The following HSPA4 variants were observed in gnomAD, a reference collection of about 807,000 sequenced individuals.
The protein encoded by HSPA4 is heat shock 70 kDa protein 4.
A neutral mutation model predicts 106.2 loss-of-function variants in HSPA4; 25 were observed. The observed-to-expected ratio is 0.24, with a 90% confidence interval of 0.17 to 0.33. HSPA4 has a LOEUF of 0.33. Among genes scored for constraint, HSPA4 ranks in the 10% least tolerant of loss-of-function variants. The pLI, the probability that HSPA4 is intolerant of heterozygous loss-of-function variation, is 1.00. For synonymous variants in HSPA4, 332 were observed against 333.6 expected (o/e 1.00, Z 0.05); for missense variants, 841 against 996.0 (o/e 0.84, Z 2.10).
rs540002301 is a variant in HSPA4 at position 133,069,589 on chromosome 5, C to T, written c.307-785C>T. 3.9e-5 allele frequency among the ~76,000 whole-genome samples: 6 copies of T among 152,244 alleles called. No homozygotes were observed. In the East Asian group the frequency reaches 9.6e-4, roughly 24 times the overall value. On this transcript the variant is annotated intron_variant, in intron 3 of 18. Transcript: ENST00000304858. ...TTAATTCAACCAGTATATATTGTGC[C>T]AGGTCCTGTTCTAGGTGCTGGAGCT...
At chr5:133,087,309 T>C (rs10075857) in intron 8 of HSPA4, among the ~76,000 whole-genome samples, 2,777 of 152,334 alleles carry the variant, frequency 0.018, 96 homozygotes, top group African/African-American at 0.064. Flanking sequence ...ATATACTAAT[T>C]TTCCTAAAAT....
intron 8 of HSPA4, among the ~76,000 whole-genome samples, chr5:133,087,534 T>C (rs368805123): frequency 6.6e-6 from 1 of 152,364 alleles, no homozygotes; most frequent in Non-Finnish European, 1.5e-5. Flanking sequence ...AATCAGGTGA[T>C]ATTAAGAAGT....
At position 133,092,817 on chromosome 5, in the gene HSPA4, T is replaced by TG. The variant is rs765467160; in HGVS notation, c.1650+28_1650+29insG. 5.2e-6 allele frequency: 5 copies of TG among 959,018 alleles called. No homozygotes were observed. In the African/African-American group the frequency reaches 6.3e-5, roughly 12 times the overall value. 59.4% of individuals were successfully genotyped at this position (959,018 alleles called of 1,614,324 possible). ...ATGCATTGGGTGGTGTTTTTTTTTT[T>TG]TTTTTTTTTTTTTTTTTTTTTGAGA... is the stretch of plus-strand genomic sequence containing the variant. On this transcript the variant is annotated intron_variant, in intron 13 of 18. Coordinates refer to ENST00000304858, the MANE Select transcript of HSPA4 (RefSeq NM_002154.4).
Position 133,074,082 on chromosome 5 carries a change from G to T in HSPA4, c.619G>T (p.Ala207Ser), listed in dbSNP as rs775246521. The change falls in exon 6 of 19, where the codon GCT becomes TCT. Residue 207 changes from alanine to serine, a missense_variant. By Grantham distance (99) the Ala-to-Ser change is moderately conservative. Around this residue, in one of 5 missense-constraint regions of HSPA4, gnomAD observed 347 missense variants for 408.7 expected, o/e 0.85. Coordinates refer to ENST00000304858, the MANE Select transcript of HSPA4 (RefSeq NM_002154.4). ...NVVFVDMGHS[A>S]YQVSVCAFNR... ...AGTTTTTGTAGACATGGGCCACTCTGCTTATCAAGTTTCTGTATGTGCATT... is the reference window on the plus strand; with the variant it reads ...AGTTTTTGTAGACATGGGCCACTCTTCTTATCAAGTTTCTGTATGTGCATT... 7 of 1,605,574 alleles carry T rather than the reference G, an allele frequency of 4.4e-6. No individual in the cohort carries two copies. The highest frequency in any genetic ancestry group is 3.4e-6 in the Non-Finnish European group (4 of 1,176,086).
rs1006713807 is a variant in HSPA4, at chr5:133,089,228, C to CT, written c.1244+71dup. The CT allele has an allele frequency of 3.7e-5, 32 of 858,800 alleles. No individual in the cohort carries two copies. In the African/African-American group the frequency reaches 4.9e-4, roughly 13 times the overall value. The allele number at this position is 858,800 out of a possible 1,614,324, so 53.2% of individuals were successfully genotyped here. On this transcript the variant is annotated intron_variant, in intron 10 of 18. Transcript: ENST00000304858. ...ACTATTAGGTCTGAGTAATATGTTG[C>CT]TTTTCATTTCAGTTTACATAAATCT...
rs375450428 is a variant in HSPA4 at position 133,073,682 on chromosome 5, C to T, written c.530-311C>T. Among the ~76,000 whole-genome samples the T allele has an allele frequency of 1.2e-4, 19 of 152,076 alleles. No individual in the cohort carries two copies. In the East Asian group the frequency reaches 2.7e-3, roughly 22 times the overall value. On this transcript the variant is annotated intron_variant, in intron 5 of 18. Coordinates refer to ENST00000304858, the MANE Select transcript of HSPA4 (RefSeq NM_002154.4). The stretch of plus-strand genomic sequence containing the variant: ...AGCAGCATCTCATGGACAGAACATG[C>T]GGGGATGTTAACATAGCATAGGGGT...
At chr5:133,059,033 CAGG>C (rs56244006) in intron 1 of HSPA4, among the ~76,000 whole-genome samples, 27,074 of 151,578 alleles carry the variant, frequency 0.18, 2,793 homozygotes, top group Non-Finnish European at 0.25. Flanking sequence ...GAGGCTGAGG[CAGG>C]AGAATTGCTT....
At chr5:133,056,233 C>T (rs912497624) in intron 1 of HSPA4, among the ~76,000 whole-genome samples, 1 of 152,084 alleles carries the variant, frequency 6.6e-6, no homozygotes, top group Non-Finnish European at 1.5e-5. Flanking sequence ...AGAGCTGCAT[C>T]CTTGATACAT....
chr5:133,089,399 G>A (rs1186139073), intron 10 of HSPA4, among the ~76,000 whole-genome samples, 163 bp from the exon 11 acceptor site: 1 of 152,020 alleles, frequency 6.6e-6, no homozygotes, highest in Non-Finnish European at 1.5e-5. Flanking sequence ...CTTTTTTACT[G>A]ACTTTATATA....
intron 12 of HSPA4, among the ~76,000 whole-genome samples, chr5:133,091,885 A>G (rs1765651774): frequency 6.6e-6 from 1 of 151,964 alleles, no homozygotes; most frequent in Admixed American, 6.6e-5. Flanking sequence ...AACAACAACA[A>G]CAACAACAAA....
intron 12 of HSPA4, 102 bp downstream of exon 12, chr5:133,091,476 C>A: frequency 1.2e-6 from 1 of 811,436 alleles, no homozygotes; most frequent in Non-Finnish European, 1.9e-6. Context: ...TGTGACAGAG[C>A]TGCTGAGTGA....
chr5:133,093,639 C>T (rs909285451), intron 13 of HSPA4, among the ~76,000 whole-genome samples: 7 of 152,096 alleles, frequency 4.6e-5, no homozygotes, highest in African/African-American at 1.7e-4. Flanking sequence ...TACAGGCGTG[C>T]ACCATCACGC....
intron 1 of HSPA4, among the ~76,000 whole-genome samples, chr5:133,054,669 T>C (rs1765136635): frequency 6.6e-6 from 1 of 152,248 alleles, no homozygotes; most frequent in Admixed American, 6.5e-5. Context: ...TCCCTATTTG[T>C]ACTTTTTAAC....
At chr5:133,097,443 CTATT>C (rs1765726540) in intron 15 of HSPA4, among the ~76,000 whole-genome samples, 157 bp downstream of exon 15, 1 of 151,618 alleles carries the variant, frequency 6.6e-6, no homozygotes, top group Non-Finnish European at 1.5e-5. Flanking sequence ...ATATATTTCT[CTATT>C]AGTACAGTGT....
At chr5:133,095,612 T>C (rs1187227689) in intron 13 of HSPA4, among the ~76,000 whole-genome samples, 1 of 152,066 alleles carries the variant, frequency 6.6e-6, no homozygotes, top group Non-Finnish European at 1.5e-5. Context: ...TTTCATACCC[T>C]CCTCCTCACT....
rs926657328 is a variant in HSPA4, at chr5:133,067,983, C to G, written c.306+426C>G. On this transcript the variant is annotated intron_variant, in intron 3 of 18. Transcript: ENST00000304858. ...TCTTGGCTCACTGCCACCTCTGCCTCCTGGGTTCCAGCGATTCTCCTGCCT... is the reference window on the plus strand; with the variant it reads ...TCTTGGCTCACTGCCACCTCTGCCTGCTGGGTTCCAGCGATTCTCCTGCCT... 2.0e-5 allele frequency among the ~76,000 whole-genome samples: 3 copies of G among 151,356 alleles called. No homozygotes were observed. The East Asian group carries it at 5.8e-4, about 29-fold the overall frequency.
intron 15 of HSPA4, among the ~76,000 whole-genome samples, chr5:133,099,270 C>T (rs73272744): frequency 0.023 from 3,483 of 152,112 alleles, 132 homozygotes; most frequent in African/African-American, 0.076. Flanking sequence ...GCTGGGATTA[C>T]AGGTGTCTAC....
At chr5:133,089,200 TTGAC>T in intron 10 of HSPA4, 39 bp downstream of exon 10, 1 of 1,147,200 alleles carries the variant, frequency 8.7e-7, no homozygotes, top group Non-Finnish European at 1.3e-6. Flanking sequence ...CTAAAGTTAA[TTGAC>T]TATTAGGTCT....
Position 133,101,889 on chromosome 5 carries a change from T to G in HSPA4, c.2157+11T>G. 6.5e-7 allele frequency: 1 copy of G among 1,539,462 alleles called. No individual in the cohort carries two copies. Among genetic ancestry groups the G allele is most frequent in the Admixed American group, 2.0e-5 (1 of 50,496 alleles). On this transcript the variant is annotated intron_variant, in intron 17 of 18. Coordinates refer to ENST00000304858, the MANE Select transcript of HSPA4 (RefSeq NM_002154.4). ...TCTTTCAAAAACAAGGTAACTTTTT[T>G]CTTTGTCCTACTCTTATTTTAGTAA...
Sources: gnomAD v4.1 joint callset for allele counts (sites outside exome capture counted in the v4.1 genomes callset) on GRCh38, gnomAD v4.1.1 for gene constraint, gnomAD v4.1.1 regional missense constraint, MANE v1.5 for transcripts, NCBI Gene and HGNC (gene_info 2026-07-23, HGNC 2026-07-21) for gene names.